Variants in THSD7A observed in about 807,000 individuals in gnomAD.
The protein encoded by THSD7A is thrombospondin type-1 domain-containing protein 7A.
Under a neutral mutation model 231.3 loss-of-function variants are expected in THSD7A, and 96 were observed. The ratio of observed to expected loss-of-function variants is 0.41; its 90% CI spans 0.35 to 0.49. The LOEUF (loss-of-function observed/expected upper bound fraction) is 0.49. Ranked by LOEUF, THSD7A falls within the 20% of genes least tolerant of loss-of-function variation. The pLI is 0.05. For missense variants in THSD7A, 2,290 were observed against 2,070.2 expected (o/e 1.11, Z -2.06); for synonymous variants, 940 against 743.3 (o/e 1.26, Z -4.30).
chr7:11,417,533 G>C lies in THSD7A; in HGVS notation c.3454C>G (p.Pro1152Ala). The C allele has an allele frequency of 1.9e-6, 3 of 1,613,752 alleles. No individual in the cohort carries two copies. The South Asian group carries it at 3.3e-5, about 18-fold the overall frequency. The change falls in exon 17 of 28, where the codon CCC becomes GCC. Residue 1152 changes from proline (P) to alanine (A), a missense_variant. By Grantham distance (27) the Pro-to-Ala change is conservative. Transcript: ENST00000423059. ...EDYLCDPEEMPLGSRVCKLPC... is the reference protein window; with the variant it reads ...EDYLCDPEEMALGSRVCKLPC... Reference sequence around the variant, plus strand: ...AATTTGCACACTCTAGAGCCCAGGGGCATCTCTTCTGGGTCACAGAGGTAA... The same window carrying C: ...AATTTGCACACTCTAGAGCCCAGGGCCATCTCTTCTGGGTCACAGAGGTAA...
rs149239070 is a variant in THSD7A at position 11,705,893 on chromosome 7, C to A, written c.191-68932G>T. 5.2e-3 allele frequency among the ~76,000 whole-genome samples: 779 copies of A among 150,888 alleles called. 4 individuals are homozygous for A. The highest frequency in any genetic ancestry group is 0.01 in the Middle Eastern group (3 of 292). The stretch of plus-strand genomic sequence containing the variant: ...TCACAAAGAAGGCTTCCAGTTAGCC[C>A]TTAATGTAGGTTGTTTGAATAAAAT... On this transcript the variant is annotated intron_variant, in intron 1 of 27. Coordinates refer to ENST00000423059, the MANE Select transcript of THSD7A (RefSeq NM_015204.3).
At chr7:11,764,202 T>G (rs68076870) in intron 1 of THSD7A, among the ~76,000 whole-genome samples, 25,786 of 152,160 alleles carry the variant, frequency 0.17, 2,624 homozygotes, top group African/African-American at 0.28. Context: ...ACAGGGTCAG[T>G]GCTTGACAAC....
intron 2 of THSD7A, among the ~76,000 whole-genome samples, chr7:11,602,944 C>T (rs201740380): frequency 6.6e-6 from 1 of 151,052 alleles, no homozygotes; most frequent in Admixed American, 6.6e-5. Flanking sequence ...ACCTAGGCAT[C>T]ACCATTCAGG....
At chr7:11,622,754 A>C (rs1781357288) in intron 2 of THSD7A, among the ~76,000 whole-genome samples, 1 of 152,222 alleles carries the variant, frequency 6.6e-6, no homozygotes, top group Non-Finnish European at 1.5e-5. Flanking sequence ...ATTAATTTCT[A>C]AAATAACATA....
At chr7:11,598,784 A>G (rs926545510) in intron 2 of THSD7A, among the ~76,000 whole-genome samples, 1 of 152,194 alleles carries the variant, frequency 6.6e-6, no homozygotes, top group Non-Finnish European at 1.5e-5. Flanking sequence ...GTGATCCACT[A>G]GCAAAATTTT....
intron 6 of THSD7A, among the ~76,000 whole-genome samples, chr7:11,490,478 G>C (rs909002298): frequency 4.6e-5 from 7 of 152,052 alleles, no homozygotes; most frequent in Non-Finnish European, 1.0e-4. Flanking sequence ...GGGTATGTGT[G>C]TACTCTGTAA....
At chr7:11,685,935 G>A (rs1224783070) in intron 1 of THSD7A, among the ~76,000 whole-genome samples, 1 of 151,864 alleles carries the variant, frequency 6.6e-6, no homozygotes, top group Non-Finnish European at 1.5e-5. Flanking sequence ...TATCACATAA[G>A]TATTCACAAT....
At chr7:11,624,942 G>C (rs978618495) in intron 2 of THSD7A, among the ~76,000 whole-genome samples, 4 of 152,032 alleles carry the variant, frequency 2.6e-5, no homozygotes, top group Non-Finnish European at 4.4e-5. Flanking sequence ...TAGAATGCCA[G>C]AGAAGTATAT....
At chr7:11,746,110 G>T (rs974258613) in intron 1 of THSD7A, among the ~76,000 whole-genome samples, 2 of 151,140 alleles carry the variant, frequency 1.3e-5, no homozygotes, top group Non-Finnish European at 3.0e-5. Flanking sequence ...TTGGATACCA[G>T]GTTTAATCAA....
chr7:11,613,212 T>G (rs943193931), intron 2 of THSD7A, among the ~76,000 whole-genome samples: 1 of 152,202 alleles, frequency 6.6e-6, no homozygotes, highest in African/African-American at 2.4e-5. Context: ...AAAGACAAAT[T>G]GCAATACCTT....
At chr7:11,376,774 A>G (rs922385753) in intron 26 of THSD7A, 117 bp from the exon 27 acceptor site, 3 of 604,934 alleles carry the variant, frequency 5.0e-6, no homozygotes, top group African/African-American at 1.9e-5. Flanking sequence ...CCCGAAAAGA[A>G]TTATTGCTTC....
chr7:11,651,826 TA>T (rs1456636859), intron 1 of THSD7A, among the ~76,000 whole-genome samples: 1 of 151,994 alleles, frequency 6.6e-6, no homozygotes, highest in Admixed American at 6.6e-5. Context: ...GCTAGTATAT[TA>T]AATTGGTGGT....
chr7:11,509,810 A>G (rs1787719065), intron 6 of THSD7A, among the ~76,000 whole-genome samples: 1 of 142,160 alleles, frequency 7.0e-6, no homozygotes. Context: ...CGACAGAGCC[A>G]GAGTCCGTCT....
Position 11,406,445 on chromosome 7 carries a change from T to G in THSD7A, c.4092A>C (p.Thr1364=), listed in dbSNP as rs754112175. Residue 1364 remains threonine (T), a synonymous_variant, in exon 22 of 28, where the codon ACA becomes ACC. Coordinates refer to ENST00000423059, the MANE Select transcript of THSD7A (RefSeq NM_015204.3). This position sits in a 1 kb window ranked among gnomAD's most constrained non-coding sequence, Gnocchi z 4.7. ...CACTTACTACACAAGAAATGTTCCT[T>G]GTTCTGGTCCCTTCTCCACACTGGG... ...QEAQCGEGTR[T]RNISCVVSDG... is the part of the protein sequence containing the mutation. 6 of 1,613,384 alleles carry G rather than the reference T, an allele frequency of 3.7e-6. No individual in the cohort carries two copies. The South Asian group carries it at 5.5e-5, about 15-fold the overall frequency.
chr7:11,619,234 C>T (rs1000902205), intron 2 of THSD7A, among the ~76,000 whole-genome samples: 4 of 151,958 alleles, frequency 2.6e-5, no homozygotes, highest in African/African-American at 9.7e-5. Flanking sequence ...TTTTGTATAT[C>T]AATGACTACA....
chr7:11,677,372 TA>T (rs1783682333), intron 1 of THSD7A, among the ~76,000 whole-genome samples: 1 of 151,814 alleles, frequency 6.6e-6, no homozygotes, highest in African/African-American at 2.4e-5. Flanking sequence ...ATGGGCAAAC[TA>T]ACCAGCTAAC....
chr7:11,370,565 A>G lies in THSD7A; in HGVS notation c.*5229T>C, dbSNP rs2115265262. The G allele has an allele frequency of 6.6e-6, 1 of 152,312 alleles. No individual in the cohort carries two copies. Among genetic ancestry groups the G allele is most frequent in the East Asian group, 1.9e-4 (1 of 5,188 alleles). 9.4% of individuals were successfully genotyped at this position (152,312 alleles called of 1,614,324 possible). The stretch of plus-strand genomic sequence containing the variant: ...TGTATTGACTGAATAAAGCTTAGTG[A>G]CATTATTTGCAAATCTGTAGTTAAT... On this transcript the variant is annotated 3_prime_UTR_variant, in exon 28 of 28. Coordinates refer to ENST00000423059, the MANE Select transcript of THSD7A (RefSeq NM_015204.3).
At chr7:11,533,107 A>T (rs1045383135) in intron 6 of THSD7A, among the ~76,000 whole-genome samples, 1 of 152,160 alleles carries the variant, frequency 6.6e-6, no homozygotes, top group Admixed American at 6.5e-5. Context: ...GCATAAAGTG[A>T]TATCCAATGA....
intron 1 of THSD7A, among the ~76,000 whole-genome samples, chr7:11,759,522 A>G (rs948494515): frequency 1.2e-4 from 18 of 152,176 alleles, no homozygotes; most frequent in African/African-American, 4.3e-4. Context: ...TTCTGTGCAG[A>G]GAATATAGAA....
Sources: allele counts gnomAD v4.1 joint callset (sites outside exome capture counted in the v4.1 genomes callset), GRCh38; gene constraint gnomAD v4.1.1; non-coding constraint Gnocchi (gnomAD v3.1); transcripts MANE v1.5; gene names NCBI Gene and HGNC (gene_info 2026-07-23, HGNC 2026-07-21).